Variants in LGR5 observed in about 807,000 individuals in gnomAD.
The protein encoded by LGR5 is leucine rich repeat containing G protein-coupled receptor 5, also known as leucine-rich repeat-containing G protein-coupled receptor 5.
Under a neutral mutation model 76.7 loss-of-function variants are expected in LGR5, and 54 were observed. That is an observed-to-expected ratio of 0.70 (90% CI 0.57 to 0.88). LGR5 has a LOEUF of 0.88. LGR5 is among the 40% of genes least tolerant of loss of function. LGR5 has a pLI of 0.00. For synonymous variants in LGR5, 406 were observed against 421.9 expected (o/e 0.96, Z 0.46); for missense variants, 1,078 against 1,073.3 (o/e 1.00, Z -0.06).
intron 4 of LGR5, among the ~76,000 whole-genome samples, chr12:71,548,909 G>A (rs114102799): frequency 1.7e-3 from 265 of 152,138 alleles, no homozygotes; most frequent in African/African-American, 5.9e-3. Context: ...GAACTATATA[G>A]TGTAGTTATT....
intron 1 of LGR5, among the ~76,000 whole-genome samples, chr12:71,465,516 C>T (rs1282757789): frequency 6.6e-6 from 1 of 152,154 alleles, no homozygotes; most frequent in African/African-American, 2.4e-5. Context: ...TGGCTTTTCT[C>T]CCCCTGTGCT....
intron 1 of LGR5, among the ~76,000 whole-genome samples, chr12:71,455,122 A>G (rs1463523286): frequency 6.6e-6 from 1 of 152,114 alleles, no homozygotes; most frequent in Non-Finnish European, 1.5e-5. Flanking sequence ...AACCAACTAA[A>G]TCACAATTTC....
chr12:71,498,714 T>C (rs1874448439), intron 1 of LGR5, among the ~76,000 whole-genome samples: 1 of 152,200 alleles, frequency 6.6e-6, no homozygotes, highest in Admixed American at 6.5e-5. Flanking sequence ...AACCTTCAGT[T>C]TATAACACAC....
chr12:71,569,970 A>G (rs1306691072), intron 11 of LGR5, among the ~76,000 whole-genome samples: 5 of 152,250 alleles, frequency 3.3e-5, no homozygotes, highest in African/African-American at 7.2e-5. Flanking sequence ...ATGGAATACT[A>G]TGCAGCCATA....
intron 3 of LGR5, among the ~76,000 whole-genome samples, chr12:71,524,831 G>A (rs771556512): frequency 7.2e-5 from 11 of 152,126 alleles, no homozygotes; most frequent in Non-Finnish European, 1.5e-4. Flanking sequence ...TCACTGTGAT[G>A]CTGACATAAT....
chr12:71,586,124 A>T lies in LGR5; in HGVS notation c.*1390A>T, dbSNP rs949338147. The T allele has an allele frequency of 2.0e-5, 3 of 152,214 alleles. No individual in the cohort carries two copies. Among genetic ancestry groups the T allele is most frequent in the African/African-American group, 7.2e-5 (3 of 41,466 alleles). 9.4% of individuals were successfully genotyped at this position (152,214 alleles called of 1,614,324 possible). ...TAAAGGTTCAGTAACATTAAGGACC[A>T]TGATAATGATAATAAACCTTGTACA... On this transcript the variant is annotated 3_prime_UTR_variant, in exon 18 of 18. Transcript: ENST00000266674.
intron 1 of LGR5, among the ~76,000 whole-genome samples, chr12:71,487,257 A>C (rs1426062350): frequency 6.6e-6 from 1 of 152,242 alleles, no homozygotes; most frequent in African/African-American, 2.4e-5. Flanking sequence ...TAACCCATGC[A>C]TACCATCACT....
At chr12:71,518,203 CTT>C (rs2137329353) in intron 2 of LGR5, among the ~76,000 whole-genome samples, 1 of 152,210 alleles carries the variant, frequency 6.6e-6, no homozygotes, top group East Asian at 1.9e-4. Context: ...CAAACAGACA[CTT>C]TTCAAAAGAA....
At chr12:71,454,743 T>G (rs1336223986) in intron 1 of LGR5, among the ~76,000 whole-genome samples, 2 of 148,984 alleles carry the variant, frequency 1.3e-5, no homozygotes, top group African/African-American at 5.0e-5. Context: ...TCCTTCGAGA[T>G]CCACAAGGCA....
chr12:71,504,441 G>A (rs1328712816), intron 1 of LGR5, among the ~76,000 whole-genome samples, 173 bp from the exon 2 acceptor site: 1 of 152,104 alleles, frequency 6.6e-6, no homozygotes, highest in Non-Finnish European at 1.5e-5. Context: ...ATGATGTTGT[G>A]GGGAATGTTG....
chr12:71,551,116 A>G (rs1877462869), intron 4 of LGR5, among the ~76,000 whole-genome samples: 1 of 152,226 alleles, frequency 6.6e-6, no homozygotes, highest in Admixed American at 6.5e-5. Context: ...ATTTAATCGT[A>G]AATGGGGTAT....
intron 6 of LGR5, among the ~76,000 whole-genome samples, chr12:71,558,562 T>C (rs1877895788): frequency 6.6e-6 from 1 of 152,234 alleles, no homozygotes; most frequent in African/African-American, 2.4e-5. Flanking sequence ...AGAAAATTTA[T>C]GTCTACAAAA....
intron 1 of LGR5, among the ~76,000 whole-genome samples, chr12:71,499,630 G>C (rs908514675): frequency 3.3e-5 from 5 of 152,098 alleles, no homozygotes; most frequent in African/African-American, 9.7e-5. Context: ...GCTACCGTTG[G>C]ACAGGTTGTA....
chr12:71,447,838 T>C (rs1343283249), intron 1 of LGR5, among the ~76,000 whole-genome samples: 1 of 152,218 alleles, frequency 6.6e-6, no homozygotes, highest in Non-Finnish European at 1.5e-5. Context: ...GAAACTGAAA[T>C]GCAGAAGACA....
intron 11 of LGR5, among the ~76,000 whole-genome samples, chr12:71,568,702 A>T (rs1878464457): frequency 1.3e-5 from 2 of 152,206 alleles, no homozygotes; most frequent in Admixed American, 6.5e-5. Flanking sequence ...AATTAGCTGA[A>T]GTTGAGACTA....
chr12:71,510,369 G>A (rs569223127), intron 2 of LGR5, among the ~76,000 whole-genome samples: 1 of 152,236 alleles, frequency 6.6e-6, no homozygotes, highest in African/African-American at 2.4e-5. Flanking sequence ...TGTTTGTGGT[G>A]TATATCTTTT....
chr12:71,462,992 C>A (rs1336397436), intron 1 of LGR5, among the ~76,000 whole-genome samples: 1 of 152,126 alleles, frequency 6.6e-6, no homozygotes, highest in African/African-American at 2.4e-5. Flanking sequence ...GCTAACTAGA[C>A]AAATGCCCTT....
intron 3 of LGR5, among the ~76,000 whole-genome samples, chr12:71,529,737 C>T (rs954957824): frequency 6.6e-6 from 1 of 152,086 alleles, no homozygotes; most frequent in Admixed American, 6.6e-5. Flanking sequence ...AGACAGATCA[C>T]CTGAGGTCAG....
At chr12:71,521,615 A>C (rs1250718899) in intron 2 of LGR5, among the ~76,000 whole-genome samples, 3 of 152,202 alleles carry the variant, frequency 2.0e-5, no homozygotes, top group Non-Finnish European at 4.4e-5. Context: ...GTTTAGATGC[A>C]AGGAAGACTG....
Sources: gnomAD v4.1 joint callset for allele counts (sites outside exome capture counted in the v4.1 genomes callset) on GRCh38, gnomAD v4.1.1 for gene constraint, MANE v1.5 for transcripts, NCBI Gene and HGNC (gene_info 2026-07-23, HGNC 2026-07-21) for gene names.